The following TRHDE variants were observed in gnomAD, a reference collection of about 807,000 sequenced individuals.
TRHDE encodes the protein thyrotropin-releasing hormone-degrading ectoenzyme.
A neutral mutation model predicts 125.7 loss-of-function variants in TRHDE; 72 were observed. The ratio of observed to expected loss-of-function variants is 0.57; its 90% CI spans 0.47 to 0.70. TRHDE has a LOEUF of 0.70. TRHDE is among the 30% of genes least tolerant of loss of function. TRHDE has a pLI of 0.00. For missense variants in TRHDE, 1,110 were observed against 1,327.1 expected (o/e 0.84, Z 2.54); for synonymous variants, 509 against 509.1 (o/e 1.00, Z 0.00).
intron 6 of TRHDE, among the ~76,000 whole-genome samples, chr12:72,514,170 C>A (rs1204509395): frequency 2.0e-5 from 3 of 152,022 alleles, no homozygotes; most frequent in African/African-American, 7.2e-5. Flanking sequence ...TATCTCATCT[C>A]AAAAGATTTC....
chr12:72,614,512 C>G (rs1872746974), intron 12 of TRHDE, among the ~76,000 whole-genome samples: 1 of 151,450 alleles, frequency 6.6e-6, no homozygotes, highest in African/African-American at 2.4e-5. Flanking sequence ...CAGATAAAAC[C>G]TAATAAACTT....
intron 17 of TRHDE, among the ~76,000 whole-genome samples, chr12:72,653,403 G>C (rs934443747): frequency 6.6e-6 from 1 of 152,056 alleles, no homozygotes; most frequent in Non-Finnish European, 1.5e-5. Context: ...GCTTAGCTGA[G>C]CAACTTTCCT....
chr12:72,536,988 A>G (rs563043781), intron 6 of TRHDE, among the ~76,000 whole-genome samples: 1 of 152,110 alleles, frequency 6.6e-6, no homozygotes, highest in South Asian at 2.1e-4. Context: ...AGTCATGTAA[A>G]TATTTTGAAT....
intron 12 of TRHDE, among the ~76,000 whole-genome samples, chr12:72,594,869 T>G (rs916908189): frequency 6.6e-6 from 1 of 151,752 alleles, no homozygotes; most frequent in African/African-American, 2.4e-5. Context: ...AACCCAAATG[T>G]CCAACAATGA....
intron 15 of TRHDE, among the ~76,000 whole-genome samples, chr12:72,647,040 A>G (rs1874310421): frequency 6.6e-6 from 1 of 152,070 alleles, no homozygotes; most frequent in Non-Finnish European, 1.5e-5. Flanking sequence ...AAGCACACAT[A>G]TAACTTTCTC....
chr12:72,251,422 CTTTTT>C (rs34337273), intron 2 of TRHDE, among the ~76,000 whole-genome samples: 1 of 130,862 alleles, frequency 7.6e-6, no homozygotes, highest in Non-Finnish European at 1.7e-5. Flanking sequence ...GGAATTGGGG[CTTTTT>C]TTTTTTTTTT....
At chr12:72,399,780 T>C (rs1872960706) in intron 3 of TRHDE, among the ~76,000 whole-genome samples, 1 of 152,140 alleles carries the variant, frequency 6.6e-6, no homozygotes, top group Non-Finnish European at 1.5e-5. Flanking sequence ...TAGTTATTCT[T>C]GTAACTTTAA....
At chr12:72,370,904 A>T (rs181542087) in intron 2 of TRHDE, among the ~76,000 whole-genome samples, 12 of 151,984 alleles carry the variant, frequency 7.9e-5, no homozygotes, top group Admixed American at 3.9e-4. Flanking sequence ...CACCATGCTC[A>T]GCTAATTTTT....
chr12:72,567,359 G>A (rs1306877038), intron 9 of TRHDE, among the ~76,000 whole-genome samples: 1 of 151,658 alleles, frequency 6.6e-6, no homozygotes, highest in East Asian at 1.9e-4. Context: ...ATTAAGAACT[G>A]TAAACATATT....
At chr12:72,532,901 T>C (rs1429694012) in intron 6 of TRHDE, among the ~76,000 whole-genome samples, 2 of 151,644 alleles carry the variant, frequency 1.3e-5, no homozygotes, top group Admixed American at 6.6e-5. Flanking sequence ...TACATGATCA[T>C]ATGAAGGATA....
At chr12:72,175,804 T>C (rs1411387744) in intron 2 of TRHDE, among the ~76,000 whole-genome samples, 1 of 152,260 alleles carries the variant, frequency 6.6e-6, no homozygotes, top group Non-Finnish European at 1.5e-5. Context: ...TATGATTCTA[T>C]GAATAACCTC....
intron 2 of TRHDE, among the ~76,000 whole-genome samples, chr12:72,123,018 T>C (rs918312066): frequency 3.3e-5 from 5 of 152,190 alleles, no homozygotes; most frequent in Non-Finnish European, 7.3e-5. Flanking sequence ...TAATCCCTGG[T>C]TGCAACTGTT....
intron 2 of TRHDE, among the ~76,000 whole-genome samples, chr12:72,345,417 T>C (rs1458806373): frequency 6.6e-6 from 1 of 152,098 alleles, no homozygotes; most frequent in Non-Finnish European, 1.5e-5. Context: ...TTGTCTAGTA[T>C]TGCCACCATA....
intron 2 of TRHDE, among the ~76,000 whole-genome samples, chr12:72,180,176 T>C (rs139982274): frequency 5.9e-5 from 9 of 152,236 alleles, no homozygotes; most frequent in African/African-American, 2.2e-4. Context: ...GTTGTGCTTT[T>C]TTTTAAAAAA....
intron 2 of TRHDE, among the ~76,000 whole-genome samples, chr12:72,304,959 C>G (rs1251201597): frequency 2.0e-5 from 3 of 152,006 alleles, no homozygotes; most frequent in Admixed American, 6.6e-5. Flanking sequence ...GTCTTAATGT[C>G]CCACGTGTCT....
intron 3 of TRHDE, among the ~76,000 whole-genome samples, chr12:72,444,616 A>T (rs886113084): frequency 1.8e-4 from 28 of 152,004 alleles, no homozygotes; most frequent in African/African-American, 6.5e-4. Context: ...TACTGTCCTA[A>T]TTGTGGGCCT....
intron 2 of TRHDE, among the ~76,000 whole-genome samples, chr12:72,194,290 T>C (rs565213374): frequency 3.9e-5 from 6 of 152,234 alleles, no homozygotes; most frequent in African/African-American, 1.4e-4. Flanking sequence ...AATAAAACTT[T>C]GTTGTCATTG....
At chr12:72,113,124 C>T (rs927063523) in intron 2 of TRHDE, among the ~76,000 whole-genome samples, 1 of 152,038 alleles carries the variant, frequency 6.6e-6, no homozygotes, top group Non-Finnish European at 1.5e-5. Context: ...CTCACGTGAT[C>T]CTCCCACCTC....
intron 2 of TRHDE, among the ~76,000 whole-genome samples, chr12:72,135,327 A>C (rs2139310587): frequency 6.6e-6 from 1 of 152,268 alleles, no homozygotes; most frequent in Admixed American, 6.5e-5. Context: ...ATTTCCGTTC[A>C]TTACCAGTTC....
Sources: allele counts gnomAD v4.1 joint callset (sites outside exome capture counted in the v4.1 genomes callset), GRCh38; gene constraint gnomAD v4.1.1; transcripts MANE v1.5; gene names NCBI Gene and HGNC (gene_info 2026-07-23, HGNC 2026-07-21).